EP300: variants seen among roughly 807,000 people sequenced by gnomAD.
EP300 encodes EP300 lysine acetyltransferase.
A neutral mutation model predicts 264.0 loss-of-function variants in EP300; 31 were observed. The ratio of observed to expected loss-of-function variants is 0.12; its 90% CI spans 0.09 to 0.16. The LOEUF (loss-of-function observed/expected upper bound fraction) is 0.16. Among genes scored for constraint, EP300 ranks in the 10% least tolerant of loss-of-function variants. EP300 has a pLI of 1.00. For missense variants in EP300, 2,766 were observed against 3,052.9 expected (o/e 0.91, Z 2.21); for synonymous variants, 1,340 against 1,045.4 (o/e 1.28, Z -5.44).
chr22:41,161,120 G>A (rs1361376779), intron 20 of EP300, among the ~76,000 whole-genome samples: 1 of 152,224 alleles, frequency 6.6e-6, no homozygotes, highest in Non-Finnish European at 1.5e-5. Flanking sequence ...ATTATTAACT[G>A]TTCTGAGTTT....
At chr22:41,153,220 T>C (rs1601622191) in intron 16 of EP300, among the ~76,000 whole-genome samples, 1 of 152,282 alleles carries the variant, frequency 6.6e-6, no homozygotes. Flanking sequence ...CAAGTGTTAA[T>C]TGACTATTTT....
At chr22:41,108,445 CCTT>C (rs541661213) in intron 1 of EP300, among the ~76,000 whole-genome samples, 176 of 151,934 alleles carry the variant, frequency 1.2e-3, no homozygotes, top group Middle Eastern at 3.4e-3. Context: ...ACACTGGTGT[CCTT>C]CTACATTCCA....
At position 41,174,152 on chromosome 22, in the gene EP300, C is replaced by T. The variant is rs547695753; in HGVS notation, c.4779+368C>T. ...AATGAATAAAAACACTGACTGTTCG[C>T]TGGGCGTGGTGGCTCATGCCTGTAA... On this transcript the variant is annotated intron_variant, in intron 29 of 30. Transcript: ENST00000263253. Among the ~76,000 whole-genome samples, 34 of 152,258 alleles carry T rather than the reference C, an allele frequency of 2.2e-4. No homozygotes were observed. The South Asian group carries it at 6.8e-3, about 31-fold the overall frequency.
intron 8 of EP300, among the ~76,000 whole-genome samples, chr22:41,139,795 A>G (rs192837799): frequency 2.0e-5 from 3 of 152,338 alleles, no homozygotes; most frequent in Admixed American, 6.5e-5. Flanking sequence ...TAAGCTAAAT[A>G]ATAAATTTAG....
At chr22:41,096,697 C>T (rs2058704405) in intron 1 of EP300, among the ~76,000 whole-genome samples, 1 of 148,730 alleles carries the variant, frequency 6.7e-6, no homozygotes, top group South Asian at 2.1e-4. Flanking sequence ...TGGCTCACTG[C>T]AATCTCAACC....
intron 11 of EP300, among the ~76,000 whole-genome samples, chr22:41,147,580 T>C (rs1210869794): frequency 6.6e-6 from 1 of 151,608 alleles, no homozygotes; most frequent in Non-Finnish European, 1.5e-5. Context: ...CTACTAAAAA[T>C]ACAAAAAATT....
chr22:41,151,673 A>C (rs891631513), intron 14 of EP300, among the ~76,000 whole-genome samples, 160 bp from the exon 15 acceptor site: 3 of 152,206 alleles, frequency 2.0e-5, no homozygotes, highest in African/African-American at 7.2e-5. Flanking sequence ...AGCATAATTA[A>C]GGGAGGTGAA....
chr22:41,102,695 C>T (rs922190705), intron 1 of EP300, among the ~76,000 whole-genome samples: 1 of 152,006 alleles, frequency 6.6e-6, no homozygotes, highest in Non-Finnish European at 1.5e-5. Flanking sequence ...AGGGTTCCAG[C>T]CACCCTTACC....
rs374908361 is a variant in EP300, at chr22:41,178,486, G to A, written c.6775G>A (p.Ala2259Thr). 9.3e-6 allele frequency: 15 copies of A among 1,613,898 alleles called. No individual in the cohort carries two copies. The highest frequency in any genetic ancestry group is 1.2e-5 in the Non-Finnish European group (14 of 1,180,004). Residue 2259 changes from alanine (A) to threonine (T), a missense_variant, in exon 31 of 31, where the codon GCC becomes ACC. By Grantham distance (58) the Ala-to-Thr change is moderately conservative (BLOSUM62 0). Coordinates refer to ENST00000263253, the MANE Select transcript of EP300 (RefSeq NM_001429.4). ...AGCAGAGGCAGGTGCCAGTCTACAG[G>A]CCTATCAGCAGCGACTCCTTCAGCA... ...LGAEAGASLQ[A>T]YQQRLLQQQM...
At chr22:41,126,137 G>C in intron 3 of EP300, 97 bp downstream of exon 3, 1 of 1,285,198 alleles carries the variant, frequency 7.8e-7, no homozygotes, top group Non-Finnish European at 1.1e-6. Flanking sequence ...GCTGGGATTT[G>C]TACCCACTAG....
chr22:41,178,063 A>C lies in EP300; in HGVS notation c.6352A>C (p.Met2118Leu). The C allele has an allele frequency of 6.2e-7, 1 of 1,614,008 alleles. No homozygotes were observed. Among genetic ancestry groups the C allele is most frequent in the East Asian group, 2.2e-5 (1 of 44,852 alleles). ...QGQPGLQPPT[M>L]PGQQGVHSNP... ...GCAGCCAGGGCTACAGCCACCTACCATGCCAGGTCAGCAGGGGGTCCACTC... is the reference window on the plus strand; with the variant it reads ...GCAGCCAGGGCTACAGCCACCTACCCTGCCAGGTCAGCAGGGGGTCCACTC... The change falls in exon 31 of 31, where the codon ATG becomes CTG. Residue 2118 changes from methionine (M) to leucine (L), a missense_variant. Met to Leu is a conservative substitution (Grantham distance 15, BLOSUM62 2). Coordinates refer to ENST00000263253, the MANE Select transcript of EP300 (RefSeq NM_001429.4).
rs2145740701 is a variant in EP300, at chr22:41,152,237, C to T, written c.3029C>T (p.Thr1010Ile). The T allele has an allele frequency of 6.2e-7, 1 of 1,613,974 alleles. No homozygotes were observed. Among genetic ancestry groups the T allele is most frequent in the South Asian group, 1.1e-5 (1 of 91,070 alleles). Residue 1010 changes from threonine to isoleucine, a missense_variant, in exon 16 of 31, where the codon ACC becomes ATC. Coordinates refer to ENST00000263253, the MANE Select transcript of EP300 (RefSeq NM_001429.4). ...GTGGAAGACTGTAAAATGGAATCTA[C>T]CGAAACAGAAGAGAGAAGCACTGAG... ...SKVEDCKMES[T>I]ETEERSTELK...
chr22:41,124,381 T>C (rs1328469585), intron 2 of EP300, among the ~76,000 whole-genome samples: 3 of 152,202 alleles, frequency 2.0e-5, no homozygotes, highest in African/African-American at 4.8e-5. Flanking sequence ...CCGCATGCTC[T>C]ATGTAAAGGA....
Position 41,178,704 on chromosome 22 carries a change from G to A in EP300, c.6993G>A (p.Met2331Ile), listed in dbSNP as rs765915190. 1 of 1,614,124 alleles carries A rather than the reference G, an allele frequency of 6.2e-7. No individual in the cohort carries two copies. Among genetic ancestry groups the A allele is most frequent in the Admixed American group, 1.7e-5 (1 of 60,010 alleles). ...CCCACTCCAGTCCTTCCCCAAGGAT[G>A]CAGCCTCAGCCTTCTCCACACCACG... ...QPPHSSPSPR[M>I]QPQPSPHHVS... The change falls in exon 31 of 31, where the codon ATG (methionine) becomes ATA (isoleucine). Residue 2331 changes from methionine to isoleucine, a missense_variant. Physicochemically the swap from Met to Ile is conservative, Grantham distance 10 (BLOSUM62 1). Coordinates refer to ENST00000263253, the MANE Select transcript of EP300 (RefSeq NM_001429.4).
At chr22:41,170,652 ACTT>A in intron 27 of EP300, 81 bp downstream of exon 27, 19 of 915,264 alleles carry the variant, frequency 2.1e-5, no homozygotes, top group Non-Finnish European at 2.6e-5. Flanking sequence ...CTGTCATTTA[ACTT>A]TTTTTTTTTT....
Position 41,150,127 on chromosome 22 carries a change from T to A in EP300, c.2746T>A (p.Ser916Thr), listed in dbSNP as rs148531930. The change falls in exon 14 of 31, where the codon TCA (serine) becomes ACA (threonine). Residue 916 changes from serine (S) to threonine (T), a missense_variant. By Grantham distance (58) the Ser-to-Thr change is moderately conservative. Transcript: ENST00000263253. ...SADQPQQQPR[S>T]QQSTAASVPT... ...TGACCAGCCCCAGCAGCAGCCTCGC[T>A]CACAGCAGAGCACAGCAGCGTCTGT... is the stretch of plus-strand genomic sequence containing the variant. 30 of 1,613,008 alleles carry A rather than the reference T, an allele frequency of 1.9e-5. No homozygotes were observed. In the African/African-American group the frequency reaches 2.7e-4, roughly 14 times the overall value.
At position 41,164,091 on chromosome 22, in the gene EP300, A is replaced by C. The variant is rs781696301; in HGVS notation, c.3767A>C (p.Gln1256Pro). ...ACAGAGTGCGGAAGAAAGATGCATC[A>C]GATCTGTGTCCTTCACCATGAGATC... ...ECTECGRKMH[Q>P]ICVLHHEIIW... The change falls in exon 22 of 31, where the codon CAG becomes CCG. Residue 1256 changes from glutamine (Q) to proline (P), a missense_variant. Gln to Pro is a moderately conservative substitution (Grantham distance 76). Transcript: ENST00000263253. 3 of 1,614,156 alleles carry C rather than the reference A, an allele frequency of 1.9e-6. No individual in the cohort carries two copies. Among genetic ancestry groups the C allele is most frequent in the East Asian group, 2.2e-5 (1 of 44,866 alleles).
rs750460918 is a variant in EP300, at chr22:41,177,293, A to C, written c.5582A>C (p.Gln1861Pro). Residue 1861 changes from glutamine to proline, a missense_variant, in exon 31 of 31, where the codon CAA becomes CCA. Transcript: ENST00000263253. ...GCCACTCCAACGACACCAACTGGCC[A>C]ACAGCCAACCACCCCGCAGACGCCC... Reference protein sequence around the residue: ...TPATPTTPTGQQPTTPQTPQP... With the variant: ...TPATPTTPTGPQPTTPQTPQP... 6.2e-7 allele frequency: 1 copy of C among 1,614,036 alleles called. No individual in the cohort carries two copies. The highest frequency in any genetic ancestry group is 2.2e-5 in the East Asian group (1 of 44,856).
rs1466816333 is a variant in EP300 at position 41,149,029 on chromosome 22, T to C, written c.2242-9T>C. On this transcript the variant is annotated splice_polypyrimidine_tract_variant and intron_variant, in intron 12 of 30. Coordinates refer to ENST00000263253, the MANE Select transcript of EP300 (RefSeq NM_001429.4). ...CAGTTTGGTGATTTGTGTTTTTTTT[T>C]TTTTTCAGCCTATGGGCTATGGGCC... 1.2e-6 allele frequency: 2 copies of C among 1,613,794 alleles called. No individual in the cohort carries two copies. Among genetic ancestry groups the C allele is most frequent in the South Asian group, 2.2e-5 (2 of 91,072 alleles).
Sources: allele counts gnomAD v4.1 joint callset (sites outside exome capture counted in the v4.1 genomes callset), GRCh38; gene constraint gnomAD v4.1.1; transcripts MANE v1.5; gene names NCBI Gene and HGNC (gene_info 2026-07-23, HGNC 2026-07-21).